Variants in C11orf97 observed in about 807,000 individuals in gnomAD.
C11orf97 encodes the protein chromosome 11 open reading frame 97.
Under a neutral mutation model 16.2 loss-of-function variants are expected in C11orf97, and 15 were observed. That is an observed-to-expected ratio of 0.93 (90% CI 0.62 to 1.43). C11orf97 has a LOEUF of 1.43. C11orf97 is among the 40% of genes most tolerant of loss of function. The probability of loss-of-function intolerance (pLI) is 0.00; values close to 1 mark genes in which losing one functional copy is unlikely to be tolerated. For synonymous variants in C11orf97, 61 were observed against 65.7 expected, an observed-to-expected ratio of 0.93 and a Z score of 0.34; for missense variants, 171 against 161.2, an observed-to-expected ratio of 1.06 and a Z score of -0.33.
chr11:94,512,568 G>A lies in C11orf97; in HGVS notation c.40G>A (p.Ala14Thr), dbSNP rs1296888645. 1 of 1,306,170 alleles carries A rather than the reference G, an allele frequency of 7.7e-7. No homozygotes were observed. The highest frequency in any genetic ancestry group is 9.7e-7 in the Non-Finnish European group (1 of 1,027,140). 80.9% of individuals were successfully genotyped at this position (1,306,170 alleles called of 1,614,324 possible). ...GGCGGTGGTGGTGACCGCAGTGGTG[G>A]CGCCCAAGGCGGGTCGCGAAGAGGA... ...EEAVVVTAVV[A>T]PKAGREEEQP... The change falls in exon 1 of 4, where the codon GCG becomes ACG. Residue 14 changes from alanine (A) to threonine (T), a missense_variant. Transcript: ENST00000542198.
At chr11:94,529,162 C>T (rs868232218) in intron 3 of C11orf97, among the ~76,000 whole-genome samples, 7 of 152,084 alleles carry the variant, frequency 4.6e-5, no homozygotes, top group Admixed American at 2.0e-4. Flanking sequence ...TCTCCAAAGT[C>T]CATGCTTTCA....
chr11:94,522,950 G>A (rs967111844), intron 2 of C11orf97, among the ~76,000 whole-genome samples: 4 of 152,110 alleles, frequency 2.6e-5, no homozygotes, highest in Admixed American at 2.6e-4. Flanking sequence ...CAGTGGCTGG[G>A]GTTGGGTTAC....
chr11:94,516,850 G>A (rs1001689418), intron 1 of C11orf97, among the ~76,000 whole-genome samples: 15 of 152,202 alleles, frequency 9.9e-5, no homozygotes, highest in Non-Finnish European at 2.9e-5. Context: ...GGAATGAACA[G>A]AAGGGCCATG....
intron 3 of C11orf97, among the ~76,000 whole-genome samples, chr11:94,530,633 T>G (rs1224519379): frequency 1.3e-5 from 2 of 152,198 alleles, no homozygotes; most frequent in Admixed American, 1.3e-4. Context: ...CTATTAGTCA[T>G]GAGAATGACC....
Position 94,518,921 on chromosome 11 carries a change from T to A in C11orf97, c.250+1234T>A, listed in dbSNP as rs547358290. ...TGTTGTGCCCACTTTACATTTTTTT[T>A]TTTTTTGGATGGAGTCTCACTCTGT... is the stretch of plus-strand genomic sequence containing the variant. On this transcript the variant is annotated intron_variant, in intron 2 of 3. Coordinates refer to ENST00000542198, the MANE Select transcript of C11orf97 (RefSeq NM_001190462.2). Among the ~76,000 whole-genome samples, 11 of 152,194 alleles carry A rather than the reference T, an allele frequency of 7.2e-5. No homozygotes were observed. The East Asian group carries it at 2.1e-3, about 29-fold the overall frequency.
chr11:94,521,560 G>A (rs1947657489), intron 2 of C11orf97, among the ~76,000 whole-genome samples: 1 of 152,146 alleles, frequency 6.6e-6, no homozygotes. Context: ...TTTTCAGGAT[G>A]TAACTCCGTC....
chr11:94,512,547 G>T lies in C11orf97; in HGVS notation c.19G>T (p.Val7Leu). MTGEEA[V>L]VVTAVVAPKA... ...CTGCGGCATGACAGGCGAGGAGGCG[G>T]TGGTGGTGACCGCAGTGGTGGCGCC... Residue 7 changes from valine (V) to leucine (L), a missense_variant, in exon 1 of 4, where the codon GTG becomes TTG. By Grantham distance (32) the Val-to-Leu change is conservative. Transcript: ENST00000542198. The T allele has an allele frequency of 7.6e-7, 1 of 1,312,802 alleles. No individual in the cohort carries two copies. Among genetic ancestry groups the T allele is most frequent in the Non-Finnish European group, 9.7e-7 (1 of 1,030,018 alleles). 81.3% of individuals were successfully genotyped at this position (1,312,802 alleles called of 1,614,324 possible).
chr11:94,532,094 A>G lies in C11orf97; in HGVS notation c.*194A>G. The G allele has an allele frequency of 2.6e-6, 1 of 390,802 alleles. No homozygotes were observed. Among genetic ancestry groups the G allele is most frequent in the Admixed American group, 4.5e-5 (1 of 22,194 alleles). The allele number at this position is 390,802 out of a possible 1,614,324, so 24.2% of individuals were successfully genotyped here. ...AGACTATTGGTAATGTTCAGTAAGT[A>G]CCTGAAAACAATAAAGGAAAATATA... is the stretch of plus-strand genomic sequence containing the variant. On this transcript the variant is annotated 3_prime_UTR_variant, in exon 4 of 4. Coordinates refer to ENST00000542198, the MANE Select transcript of C11orf97 (RefSeq NM_001190462.2).
intron 1 of C11orf97, among the ~76,000 whole-genome samples, chr11:94,514,251 G>A (rs972218660): frequency 4.8e-5 from 2 of 41,418 alleles, no homozygotes; most frequent in African/African-American, 1.1e-4. Context: ...TACATGCTAG[G>A]CATTCCACAA....
chr11:94,528,693 C>G (rs1947717258), intron 3 of C11orf97, among the ~76,000 whole-genome samples: 1 of 152,168 alleles, frequency 6.6e-6, no homozygotes, highest in East Asian at 1.9e-4. Flanking sequence ...TGTTCCTTAG[C>G]AGACATAAAC....
intron 2 of C11orf97, among the ~76,000 whole-genome samples, chr11:94,521,503 A>G (rs1268583881): frequency 6.6e-6 from 1 of 152,232 alleles, no homozygotes; most frequent in Non-Finnish European, 1.5e-5. Flanking sequence ...GGTTAGGTGT[A>G]TGAAATGCAT....
chr11:94,514,024 G>A (rs577555245), intron 1 of C11orf97, among the ~76,000 whole-genome samples: 1 of 152,244 alleles, frequency 6.6e-6, no homozygotes, highest in Admixed American at 6.5e-5. Context: ...TGGTCAGGCT[G>A]GTCTTCAACT....
At chr11:94,531,349 G>A (rs945151150) in intron 3 of C11orf97, among the ~76,000 whole-genome samples, 4 of 152,068 alleles carry the variant, frequency 2.6e-5, no homozygotes, top group Non-Finnish European at 5.9e-5. Flanking sequence ...TGAAGAACCA[G>A]AATCGCTTGA....
At chr11:94,513,946 T>G (rs1183573965) in intron 1 of C11orf97, among the ~76,000 whole-genome samples, 1 of 152,190 alleles carries the variant, frequency 6.6e-6, no homozygotes, top group East Asian at 1.9e-4. Flanking sequence ...TAGCTGAGAT[T>G]ACAGGCACAC....
chr11:94,522,504 C>G (rs1947666127), intron 2 of C11orf97, among the ~76,000 whole-genome samples: 1 of 152,172 alleles, frequency 6.6e-6, no homozygotes, highest in African/African-American at 2.4e-5. Flanking sequence ...CCATTGCACT[C>G]CGGCCTGGGC....
chr11:94,516,926 A>G (rs1947615637), intron 1 of C11orf97, among the ~76,000 whole-genome samples: 1 of 152,196 alleles, frequency 6.6e-6, no homozygotes, highest in South Asian at 2.1e-4. Flanking sequence ...GGTAGGCCCA[A>G]TAGCACAGAG....
At chr11:94,514,044 G>T (rs892093056) in intron 1 of C11orf97, among the ~76,000 whole-genome samples, 3 of 152,062 alleles carry the variant, frequency 2.0e-5, no homozygotes, top group Non-Finnish European at 2.9e-5. Context: ...TCCTGGCCTC[G>T]AGTGATCCGC....
chr11:94,530,387 G>C (rs113655990), intron 3 of C11orf97, among the ~76,000 whole-genome samples: 1 of 152,154 alleles, frequency 6.6e-6, no homozygotes, highest in Non-Finnish European at 1.5e-5. Context: ...AATCACAATT[G>C]ATCAATCTAT....
chr11:94,514,706 G>A (rs183559878), intron 1 of C11orf97, among the ~76,000 whole-genome samples: 8 of 141,962 alleles, frequency 5.6e-5, no homozygotes, highest in South Asian at 2.3e-4. Context: ...GTACAGTGGC[G>A]CGATCTCGGC....
Sources: gnomAD v4.1 joint callset for allele counts (sites outside exome capture counted in the v4.1 genomes callset) on GRCh38, gnomAD v4.1.1 for gene constraint, MANE v1.5 for transcripts, NCBI Gene and HGNC (gene_info 2026-07-23, HGNC 2026-07-21) for gene names.